The following TTLL7 variants were observed in gnomAD, a reference collection of about 807,000 sequenced individuals.
TTLL7 encodes the protein tubulin tyrosine ligase like 7.
TTLL7 carries 53 observed loss-of-function variants against 120.2 expected under a neutral mutation model. The ratio of observed to expected loss-of-function variants is 0.44; its 90% confidence interval spans 0.35 to 0.55. TTLL7 has a LOEUF of 0.55. Among genes scored for constraint, TTLL7 ranks in the 20% least tolerant of loss-of-function variants. The pLI is 0.00. For missense variants in TTLL7, 803 were observed against 1,054.7 expected (o/e 0.76, Z 3.31); for synonymous variants, 353 against 351.7 (o/e 1.00, Z -0.04).
chr1:83,968,316 A>T (rs536478391), intron 1 of TTLL7, among the ~76,000 whole-genome samples: 1 of 152,144 alleles, frequency 6.6e-6, no homozygotes, highest in South Asian at 2.1e-4. Context: ...GTTGCCTGCC[A>T]TCTTTTCTGC....
intron 13 of TTLL7, among the ~76,000 whole-genome samples, chr1:83,919,393 T>G (rs1321868552): frequency 6.6e-6 from 1 of 152,028 alleles, no homozygotes; most frequent in East Asian, 1.9e-4. Context: ...TACAAACCAC[T>G]AGGTTAATTC....
chr1:83,870,939 G>T (rs1490175212), intron 20 of TTLL7, among the ~76,000 whole-genome samples: 2 of 150,506 alleles, frequency 1.3e-5, no homozygotes, highest in East Asian at 3.9e-4. Flanking sequence ...ATTACGGGTT[G>T]CATGTAACCC....
At chr1:83,892,393 A>AATATATATGAATATATATATGAAC in intron 18 of TTLL7, among the ~76,000 whole-genome samples, 1 of 33,008 alleles carries the variant, frequency 3.0e-5, no homozygotes, top group East Asian at 6.9e-4. Context: ...TATATATACG[A>AATATATATGAATATATATATGAAC]ATATATATGA....
intron 1 of TTLL7, among the ~76,000 whole-genome samples, chr1:83,993,256 T>C (rs987870290): frequency 3.3e-5 from 5 of 152,162 alleles, no homozygotes; most frequent in South Asian, 2.1e-4. Context: ...ACAAATAGCA[T>C]TGAAATGATC....
chr1:83,914,684 A>T (rs962702648), intron 14 of TTLL7, among the ~76,000 whole-genome samples: 10 of 152,056 alleles, frequency 6.6e-5, no homozygotes. Context: ...ATCCAGTTCT[A>T]ATAGCACTAC....
intron 18 of TTLL7, among the ~76,000 whole-genome samples, chr1:83,892,422 A>G (rs866817238): frequency 1.0e-4 from 14 of 136,450 alleles, no homozygotes; most frequent in East Asian, 2.0e-4. Context: ...ATGAACATAT[A>G]TATGAACATA....
rs367657793 is a variant in TTLL7, at chr1:83,950,299, C to T, written c.158-313G>A. Among the ~76,000 whole-genome samples, 68 of 152,236 alleles carry T rather than the reference C, an allele frequency of 4.5e-4. 1 individual carries two copies. Among genetic ancestry groups the T allele is most frequent in the African/African-American group, 1.5e-3 (63 of 41,536 alleles). On this transcript the variant is annotated intron_variant, in intron 3 of 20. Transcript: ENST00000260505. ...GAAAACACACACAGCTGAGACAATA[C>T]GTCTACTCAGGAAAATGTACTTTTT...
intron 18 of TTLL7, among the ~76,000 whole-genome samples, chr1:83,898,813 T>A (rs1276893657): frequency 6.6e-6 from 1 of 151,800 alleles, no homozygotes; most frequent in Non-Finnish European, 1.5e-5. Flanking sequence ...ACCTCTATAT[T>A]TTTCTCTTAT....
chr1:83,983,311 C>A (rs1297563225), intron 1 of TTLL7, among the ~76,000 whole-genome samples: 1 of 152,024 alleles, frequency 6.6e-6, no homozygotes, highest in Non-Finnish European at 1.5e-5. Context: ...AGACTGGTGA[C>A]AGAACGAGAC....
rs1300751858 is a variant in TTLL7 at position 83,911,381 on chromosome 1, G to C, written c.1588-18C>G. 6.4e-7 allele frequency: 1 copy of C among 1,568,710 alleles called. No homozygotes were observed. Among genetic ancestry groups the C allele is most frequent in the South Asian group, 1.2e-5 (1 of 85,582 alleles). ...CACAGAGGCTAAAAAAGATGGAAATGTGTTATTTTGTTAGAATTCTTAAAA... is the reference window on the plus strand; with the variant it reads ...CACAGAGGCTAAAAAAGATGGAAATCTGTTATTTTGTTAGAATTCTTAAAA... On this transcript the variant is annotated intron_variant, in intron 14 of 20. Transcript: ENST00000260505.
At chr1:83,908,783 C>A (rs1029468267) in intron 15 of TTLL7, among the ~76,000 whole-genome samples, 19 of 151,700 alleles carry the variant, frequency 1.3e-4, no homozygotes, top group African/African-American at 4.4e-4. Flanking sequence ...AGGTTGAATA[C>A]CCAAATATTT....
chr1:83,933,673 C>T lies in TTLL7; in HGVS notation c.982G>A (p.Val328Ile). Residue 328 changes from valine to isoleucine, a missense_variant, in exon 9 of 21, where the codon GTC becomes ATC. Val to Ile is a conservative substitution (Grantham distance 29, BLOSUM62 3). Around this residue, in one of 3 missense-constraint regions of TTLL7, gnomAD observed 324 missense variants for 507.7 expected, o/e 0.64. Transcript: ENST00000260505. ...RPGQPPGSES[V>I]CFEVLGFDIL... ...TCAAATCCCAGGACTTCAAAGCAGA[C>T]ACTTTCGCTTCCTGGAGGTTGACCA... 1 of 1,613,790 alleles carries T rather than the reference C, an allele frequency of 6.2e-7. No homozygotes were observed. The highest frequency in any genetic ancestry group is 8.5e-7 in the Non-Finnish European group (1 of 1,179,776).
chr1:83,915,299 G>A (rs958502700), intron 14 of TTLL7, among the ~76,000 whole-genome samples: 6 of 152,082 alleles, frequency 3.9e-5, no homozygotes, highest in Admixed American at 2.6e-4. Flanking sequence ...CAGAGATATA[G>A]ACCAATGGAA....
At chr1:83,903,570 C>T (rs1489978684) in intron 18 of TTLL7, among the ~76,000 whole-genome samples, 1 of 152,030 alleles carries the variant, frequency 6.6e-6, no homozygotes, top group African/African-American at 2.4e-5. Context: ...AACCTATGCA[C>T]ATCCACCTGT....
intron 9 of TTLL7, among the ~76,000 whole-genome samples, chr1:83,931,217 T>C (rs758022696): frequency 3.3e-5 from 5 of 152,050 alleles, no homozygotes; most frequent in Non-Finnish European, 5.9e-5. Flanking sequence ...TGTAAATGCA[T>C]TAAGAAATGA....
chr1:83,897,663 G>T (rs1428527889), intron 18 of TTLL7, among the ~76,000 whole-genome samples: 1 of 151,892 alleles, frequency 6.6e-6, no homozygotes, highest in African/African-American at 2.4e-5. Flanking sequence ...TGCTCACTGT[G>T]ATCCCTTCAA....
At position 83,867,875 on chromosome 1, in the gene TTLL7, C is replaced by T. The variant is rs1265719618; in HGVS notation, c.*2087G>A. ...ATTTTTTCTAAAAAAAAATCCATAG[C>T]ATATTTAAGAATTCACAAAATGGAG... On this transcript the variant is annotated 3_prime_UTR_variant, in exon 21 of 21. Coordinates refer to ENST00000260505, the MANE Select transcript of TTLL7 (RefSeq NM_024686.6). 1 of 151,994 alleles carries T rather than the reference C, an allele frequency of 6.6e-6. No homozygotes were observed. Among genetic ancestry groups the T allele is most frequent in the Non-Finnish European group, 1.5e-5 (1 of 67,964 alleles). 9.4% of individuals were successfully genotyped at this position (151,994 alleles called of 1,614,324 possible).
At chr1:83,882,819 A>C in intron 20 of TTLL7, 144 bp downstream of exon 20, 1 of 835,746 alleles carries the variant, frequency 1.2e-6, no homozygotes. Flanking sequence ...AATTAAAAAT[A>C]TTTTGCAGAT....
chr1:83,988,002 C>A (rs1652637232), intron 1 of TTLL7, among the ~76,000 whole-genome samples: 1 of 152,244 alleles, frequency 6.6e-6, no homozygotes, highest in Non-Finnish European at 1.5e-5. Flanking sequence ...GCATAGTACC[C>A]AATTGGTAGT....
Sources: allele counts gnomAD v4.1 joint callset (sites outside exome capture counted in the v4.1 genomes callset), GRCh38; gene constraint gnomAD v4.1.1; regional missense constraint gnomAD v4.1.1; transcripts MANE v1.5; gene names NCBI Gene and HGNC (gene_info 2026-07-23, HGNC 2026-07-21).